PTPRM: variants seen among roughly 807,000 people sequenced by gnomAD.
PTPRM encodes receptor-type tyrosine-protein phosphatase mu.
Under a neutral mutation model 186.7 loss-of-function variants are expected in PTPRM, and 47 were observed. The ratio of observed to expected loss-of-function variants is 0.25; its 90% CI spans 0.20 to 0.32. The LOEUF is 0.32. Ranked by LOEUF, PTPRM falls within the 10% of genes least tolerant of loss-of-function variation. The pLI is 1.00. For synonymous variants in PTPRM, 668 were observed against 674.9 expected (o/e 0.99, Z 0.16); for missense variants, 1,494 against 1,865.0 (o/e 0.80, Z 3.66).
At chr18:7,888,065 A>G in intron 2 of PTPRM, 41 bp from the exon 3 acceptor site, 1 of 1,612,870 alleles carries the variant, frequency 6.2e-7, no homozygotes, top group Non-Finnish European at 8.5e-7. Context: ...ACCAGAAAGT[A>G]GTGTTTCAGG....
At chr18:8,020,197 C>T (rs1274954254) in intron 7 of PTPRM, among the ~76,000 whole-genome samples, 1 of 152,218 alleles carries the variant, frequency 6.6e-6, no homozygotes, top group East Asian at 1.9e-4. Context: ...AATAAAACTG[C>T]ACTCTCACTC....
chr18:7,791,912 T>C (rs1487629397), intron 2 of PTPRM, among the ~76,000 whole-genome samples: 2 of 152,202 alleles, frequency 1.3e-5, no homozygotes, highest in African/African-American at 4.8e-5. Flanking sequence ...CACAAGTAGA[T>C]TTTTTCCTAA....
intron 1 of PTPRM, among the ~76,000 whole-genome samples, chr18:7,744,082 C>T (rs1417922242): frequency 1.3e-5 from 2 of 152,182 alleles, no homozygotes; most frequent in African/African-American, 4.8e-5. Context: ...AAGAATTACT[C>T]AGTAGAGCTT....
chr18:7,792,737 T>G (rs555057494), intron 2 of PTPRM, among the ~76,000 whole-genome samples: 2 of 152,264 alleles, frequency 1.3e-5, no homozygotes, highest in Admixed American at 1.3e-4. Flanking sequence ...CGATCACGGC[T>G]TACTGCAGCC....
At chr18:7,873,451 G>T (rs564760985) in intron 2 of PTPRM, among the ~76,000 whole-genome samples, 3 of 152,250 alleles carry the variant, frequency 2.0e-5, no homozygotes, top group African/African-American at 7.2e-5. Flanking sequence ...CCTTAGGGAA[G>T]TTTTTTTAAA....
chr18:8,296,057 G>A (rs2095093702), intron 19 of PTPRM, among the ~76,000 whole-genome samples: 1 of 152,176 alleles, frequency 6.6e-6, no homozygotes, highest in Non-Finnish European at 1.5e-5. Flanking sequence ...TAATTTCTCT[G>A]TATTAAATAT....
intron 1 of PTPRM, among the ~76,000 whole-genome samples, chr18:7,686,224 A>T (rs574008010): frequency 8.5e-4 from 129 of 152,324 alleles, no homozygotes; most frequent in Non-Finnish European, 1.0e-3. Flanking sequence ...ATCCATCAAA[A>T]TGACTCGGGA....
intron 2 of PTPRM, among the ~76,000 whole-genome samples, chr18:7,800,254 A>G (rs1158151739): frequency 6.6e-6 from 1 of 152,220 alleles, no homozygotes; most frequent in Admixed American, 6.5e-5. Flanking sequence ...ATTTTTGGTC[A>G]TGGTGGAAAT....
At chr18:8,072,667 A>G (rs1483424900) in intron 8 of PTPRM, among the ~76,000 whole-genome samples, 1 of 152,154 alleles carries the variant, frequency 6.6e-6, no homozygotes, top group Non-Finnish European at 1.5e-5. Flanking sequence ...GAGTTTTATT[A>G]TAGTATAATA....
chr18:8,197,624 T>C (rs766415227), intron 14 of PTPRM, among the ~76,000 whole-genome samples: 5 of 152,212 alleles, frequency 3.3e-5, no homozygotes, highest in Non-Finnish European at 7.3e-5. Flanking sequence ...GATACGTTAA[T>C]GCTGAGTTCA....
intron 14 of PTPRM, among the ~76,000 whole-genome samples, chr18:8,209,979 G>A (rs1183121721): frequency 4.7e-5 from 5 of 106,242 alleles, no homozygotes; most frequent in Non-Finnish European, 7.4e-5. Context: ...CCCGGAACTT[G>A]AAGTAAAATT....
chr18:8,381,422 T>C (rs576548611), intron 29 of PTPRM, among the ~76,000 whole-genome samples: 3 of 151,882 alleles, frequency 2.0e-5, no homozygotes, highest in Admixed American at 1.3e-4. Flanking sequence ...GATGGCAAGA[T>C]TTTTCCTTCC....
At position 8,326,904 on chromosome 18, in the gene PTPRM, CT is replaced by C. The variant is rs1263158421; in HGVS notation, c.2956+7695del. Among the ~76,000 whole-genome samples the C allele has an allele frequency of 7.2e-5, 11 of 152,256 alleles. No individual in the cohort carries two copies. In the Middle Eastern group the frequency reaches 0.014, roughly 188 times the overall value. On this transcript the variant is annotated intron_variant, in intron 22 of 32. Transcript: ENST00000580170. ...ATAGGCCCCAGCAAAGGGGCCTTTT[CT>C]TTTTAATACCCAGTAAGTTGCCCAT...
chr18:8,197,079 AG>A (rs1245664664), intron 14 of PTPRM, among the ~76,000 whole-genome samples: 8 of 152,152 alleles, frequency 5.3e-5, no homozygotes, highest in African/African-American at 1.9e-4. Flanking sequence ...TTGTTTTGAG[AG>A]ATTAGAGTAG....
intron 1 of PTPRM, among the ~76,000 whole-genome samples, chr18:7,750,126 CA>C (rs576733157): frequency 2.8e-4 from 42 of 152,306 alleles, no homozygotes; most frequent in African/African-American, 9.1e-4. Context: ...ATAGGAATTA[CA>C]GGATAGTGTT....
At chr18:7,992,412 G>T (rs908763635) in intron 7 of PTPRM, among the ~76,000 whole-genome samples, 1 of 152,100 alleles carries the variant, frequency 6.6e-6, no homozygotes, top group Non-Finnish European at 1.5e-5. Context: ...CTTCTTTGAG[G>T]TTCAGAAGTA....
intron 17 of PTPRM, 186 bp downstream of exon 17, chr18:8,248,362 A>G (rs565890738): frequency 1.4e-6 from 1 of 697,640 alleles, no homozygotes; most frequent in Non-Finnish European, 2.6e-6. Context: ...AGTCGCCATT[A>G]ATAAGAGGGG....
intron 1 of PTPRM, among the ~76,000 whole-genome samples, chr18:7,698,100 A>T (rs1309878802): frequency 6.6e-6 from 1 of 152,192 alleles, no homozygotes; most frequent in Non-Finnish European, 1.5e-5. Flanking sequence ...TGTTTACTGG[A>T]TGAACTGAAG....
intron 2 of PTPRM, among the ~76,000 whole-genome samples, chr18:7,777,985 T>C (rs1238707070): frequency 5.3e-5 from 8 of 152,192 alleles, no homozygotes; most frequent in African/African-American, 1.9e-4. Context: ...CCCATCTTTA[T>C]AAATGAAGAA....
Sources: allele counts gnomAD v4.1 joint callset (sites outside exome capture counted in the v4.1 genomes callset), GRCh38; gene constraint gnomAD v4.1.1; transcripts MANE v1.5; gene names NCBI Gene and HGNC (gene_info 2026-07-23, HGNC 2026-07-21).